TLE2: variants seen among roughly 807,000 people sequenced by gnomAD.
TLE2 encodes the protein TLE family member 2, transcriptional corepressor.
In TLE2, 74 loss-of-function variants were observed where a neutral mutation model predicts 97.2. The observed-to-expected ratio is 0.76, with a 90% confidence interval of 0.63 to 0.92. The LOEUF is 0.92. Among genes scored for constraint, TLE2 ranks in the 40% least tolerant of loss-of-function variants. The pLI, the probability that TLE2 is intolerant of heterozygous loss-of-function variation, is 0.00. For synonymous variants in TLE2, 499 were observed against 432.1 expected, an observed-to-expected ratio of 1.15 and a Z score of -1.92; for missense variants, 1,038 against 1,008.7, an observed-to-expected ratio of 1.03 and a Z score of -0.39.
chr19:3,000,404 G>T (rs945079304), intron 19 of TLE2, among the ~76,000 whole-genome samples: 1 of 152,020 alleles, frequency 6.6e-6, no homozygotes, highest in African/African-American at 2.4e-5. Flanking sequence ...AATATTATAT[G>T]CATGTTACTG....
At chr19:3,015,866 G>A (rs567423944) in intron 8 of TLE2, 106 bp from the exon 9 acceptor site, 53 of 834,620 alleles carry the variant, frequency 6.4e-5, no homozygotes, top group Middle Eastern at 2.2e-4. Context: ...ATTAGGGTCC[G>A]GACCTCAAGC....
chr19:3,042,128 G>T (rs1425414119), intron 1 of TLE2, among the ~76,000 whole-genome samples: 2 of 149,662 alleles, frequency 1.3e-5, no homozygotes, highest in African/African-American at 2.5e-5. Flanking sequence ...CCCTCCCCGG[G>T]ACCCGAGAAG....
intron 1 of TLE2, among the ~76,000 whole-genome samples, chr19:3,035,121 T>C (rs1165983678): frequency 6.6e-6 from 1 of 151,956 alleles, no homozygotes; most frequent in Non-Finnish European, 1.5e-5. Context: ...CATCCCTTAG[T>C]GTGTGATCCG....
Position 3,015,180 on chromosome 19 carries a change from G to A in TLE2, c.678+473C>T, listed in dbSNP as rs547507049. 6.6e-5 allele frequency among the ~76,000 whole-genome samples: 10 copies of A among 152,104 alleles called. No individual in the cohort carries two copies. In the East Asian group the frequency reaches 1.7e-3, roughly 27 times the overall value. ...GGATCAAGTTGCAGCTGCCCCTGTA[G>A]GTGGGAGAAGGGGCTCCCCAGCTGG... On this transcript the variant is annotated intron_variant, in intron 9 of 19. Coordinates refer to ENST00000262953, the MANE Select transcript of TLE2 (RefSeq NM_003260.5).
At position 3,019,153 on chromosome 19, in the gene TLE2, C is replaced by T. The variant is rs1362355636; in HGVS notation, c.550+130G>A. 3.8e-6 allele frequency: 5 copies of T among 1,333,314 alleles called. No individual in the cohort carries two copies. Among genetic ancestry groups the T allele is most frequent in the Non-Finnish European group, 5.1e-6 (5 of 986,798 alleles). The allele number at this position is 1,333,314 out of a possible 1,614,324, so 82.6% of individuals were successfully genotyped here. A position where few individuals can be genotyped will look rare whatever the true frequency, so the allele number is the denominator to read the frequency against. ...GCTCAAGCGATCCTCCCGCCTCGGCCTCCCAAATTGTTGGGATTATAGGCA... is the reference window on the plus strand; with the variant it reads ...GCTCAAGCGATCCTCCCGCCTCGGCTTCCCAAATTGTTGGGATTATAGGCA... On this transcript the variant is annotated intron_variant, in intron 7 of 19. Coordinates refer to ENST00000262953, the MANE Select transcript of TLE2 (RefSeq NM_003260.5). The surrounding 1 kb of genome is among the most constrained non-coding windows in gnomAD (Gnocchi z 5.1).
At chr19:3,031,342 TTGTGTGTGTGTGTG>T (rs60898410), upstream of TLE2, among the ~76,000 whole-genome samples, 29 of 139,900 alleles carry the variant, frequency 2.1e-4, no homozygotes, top group African/African-American at 4.0e-4. Flanking sequence ...AAAGATACAA[TTGTGTGTGTGTGTG>T]TGTGTGTGTG....
chr19:3,036,539 G>A lies in TLE2; in HGVS notation c.64-7736C>T, dbSNP rs1260220796. Among the ~76,000 whole-genome samples, 4 of 152,380 alleles carry A rather than the reference G, an allele frequency of 2.6e-5. No homozygotes were observed. The South Asian group carries it at 8.3e-4, about 32-fold the overall frequency. ...GCCGAACTGCCGGGCCACCAGCCAG[G>A]CCTGTCCCCTCCCGCTGGCCCCGGG... is the stretch of plus-strand genomic sequence containing the variant. On this transcript the variant is annotated intron_variant, in intron 1 of 18. Coordinates refer to the TLE2 transcript ENST00000426948.
At chr19:3,018,718 G>T (rs887558465) in intron 7 of TLE2, among the ~76,000 whole-genome samples, 7 of 148,704 alleles carry the variant, frequency 4.7e-5, no homozygotes, top group Admixed American at 6.7e-5. Flanking sequence ...AGGTTCAAGC[G>T]ATTCTCCTGC....
chr19:3,003,322 G>A (rs907193936), intron 17 of TLE2, among the ~76,000 whole-genome samples: 1 of 152,132 alleles, frequency 6.6e-6, no homozygotes, highest in Non-Finnish European at 1.5e-5. Flanking sequence ...GTCCCCTCAA[G>A]GTCACAGAGC....
At chr19:3,012,034 CAGG>C (rs1248108301) in intron 11 of TLE2, among the ~76,000 whole-genome samples, 3 of 151,998 alleles carry the variant, frequency 2.0e-5, no homozygotes, top group Non-Finnish European at 4.4e-5. Flanking sequence ...CACCTGAGAT[CAGG>C]AGATCTAGAC....
chr19:3,027,809 C>A lies in TLE2; in HGVS notation c.231+20G>T, dbSNP rs976398649. ...ACCCCCACCCTCCCTCCTGAACACG[C>A]GTAACCCCAACCCAGTTACCTGCTT... On this transcript the variant is annotated intron_variant, in intron 4 of 19. Transcript: ENST00000262953. 1 of 1,609,206 alleles carries A rather than the reference C, an allele frequency of 6.2e-7. No homozygotes were observed. Among genetic ancestry groups the A allele is most frequent in the East Asian group, 2.2e-5 (1 of 44,802 alleles).
At chr19:3,028,840 T>C (rs2089991479) in intron 1 of TLE2, 37 bp from the exon 2 acceptor site, 1 of 1,610,972 alleles carries the variant, frequency 6.2e-7, no homozygotes, top group Admixed American at 1.7e-5. Flanking sequence ...GGGTCTGAGT[T>C]CCCGGACACT....
intron 1 of TLE2, among the ~76,000 whole-genome samples, chr19:3,045,195 C>T (rs1307427048): frequency 1.3e-5 from 2 of 152,146 alleles, no homozygotes. Context: ...GCCTGGTTGC[C>T]CAGGTGAGAC....
upstream of TLE2, among the ~76,000 whole-genome samples, chr19:3,030,885 A>C (rs75807065): frequency 4.4e-4 from 67 of 150,726 alleles, 1 homozygote; most frequent in East Asian, 9.7e-3. Flanking sequence ...CAGAAGGTCA[A>C]GGCTGCACTG....
chr19:3,040,372 G>A (rs574789643), intron 1 of TLE2, among the ~76,000 whole-genome samples: 2 of 152,048 alleles, frequency 1.3e-5, no homozygotes, highest in South Asian at 2.1e-4. Flanking sequence ...AGACAGTCTC[G>A]CTCTGTCGAC....
At chr19:3,010,214 A>C (rs543292737) in intron 12 of TLE2, among the ~76,000 whole-genome samples, 15 of 151,886 alleles carry the variant, frequency 9.9e-5, no homozygotes, top group Admixed American at 2.6e-4. Flanking sequence ...AAATACAAAA[A>C]TTAGCTGGGC....
chr19:3,034,936 G>A (rs1034284600), intron 1 of TLE2, among the ~76,000 whole-genome samples: 1 of 152,134 alleles, frequency 6.6e-6, no homozygotes, highest in Non-Finnish European at 1.5e-5. Context: ...AGGCAGAGCC[G>A]GGCGAGGAAC....
intron 7 of TLE2, 89 bp from the exon 8 acceptor site, chr19:3,017,948 T>C (rs2089749395): frequency 7.7e-7 from 1 of 1,295,590 alleles, no homozygotes; most frequent in Non-Finnish European, 1.1e-6. Flanking sequence ...CCCTCCAGTT[T>C]ATAAAGCCCC....
chr19:3,041,578 C>T (rs1179096177), intron 1 of TLE2, among the ~76,000 whole-genome samples: 1 of 152,154 alleles, frequency 6.6e-6, no homozygotes, highest in Admixed American at 6.6e-5. Context: ...CAAGCAGCCC[C>T]GTCTCTCTCT....
Sources: gnomAD v4.1 joint callset for allele counts (sites outside exome capture counted in the v4.1 genomes callset) on GRCh38, gnomAD v4.1.1 for gene constraint, Gnocchi (gnomAD v3.1) non-coding constraint, MANE v1.5 for transcripts, NCBI Gene and HGNC (gene_info 2026-07-23, HGNC 2026-07-21) for gene names.